The following ERP44 variants were observed in gnomAD, a reference collection of about 807,000 sequenced individuals.
The protein encoded by ERP44 is endoplasmic reticulum protein 44.
A neutral mutation model predicts 53.4 loss-of-function variants in ERP44; 25 were observed. The observed-to-expected ratio is 0.47, with a 90% CI of 0.34 to 0.65. ERP44 has a LOEUF of 0.65. Among genes scored for constraint, ERP44 ranks in the 30% least tolerant of loss-of-function variants. The probability of loss-of-function intolerance (pLI) is 0.01; values close to 1 mark genes in which losing one functional copy is unlikely to be tolerated. For missense variants in ERP44, 338 were observed against 493.2 expected, an observed-to-expected ratio of 0.69 and a Z score of 2.98; for synonymous variants, 145 against 161.2, an observed-to-expected ratio of 0.90 and a Z score of 0.76.
Position 99,980,093 on chromosome 9 carries a change from C to T in ERP44, c.*2519G>A, listed in dbSNP as rs977961572. On this transcript the variant is annotated 3_prime_UTR_variant, in exon 12 of 12. Coordinates refer to ENST00000262455, the MANE Select transcript of ERP44 (RefSeq NM_015051.3). Reference sequence around the variant, plus strand: ...CAGCCAGATCCCTACCTCCTGAGAACACCTATTCATCTTTTTAAAGCTCAA... The same window carrying T: ...CAGCCAGATCCCTACCTCCTGAGAATACCTATTCATCTTTTTAAAGCTCAA... The T allele has an allele frequency of 5.3e-5, 21 of 398,512 alleles. No individual in the cohort carries two copies. In the Admixed American group the frequency reaches 5.3e-4, roughly 10 times the overall value. The allele number at this position is 398,512 out of a possible 1,614,324, so 24.7% of individuals were successfully genotyped here.
In ERP44 at chr9:100,033,345, G is replaced by C. The variant is rs777045219; in HGVS notation, c.287-11119C>G. Among the ~76,000 whole-genome samples, 67 of 152,178 alleles carry C rather than the reference G, an allele frequency of 4.4e-4. 1 individual carries two copies. Among genetic ancestry groups the C allele is most frequent in the Non-Finnish European group, 2.9e-4 (20 of 68,034 alleles). ...TACACAGTCCCTGTACATGGTTTCTGACCTGTGGTAAGTAAAGAATGTCAC... is the reference window on the plus strand; with the variant it reads ...TACACAGTCCCTGTACATGGTTTCTCACCTGTGGTAAGTAAAGAATGTCAC... On this transcript the variant is annotated intron_variant, in intron 4 of 11. Transcript: ENST00000262455.
intron 6 of ERP44, among the ~76,000 whole-genome samples, chr9:100,019,776 C>T (rs1830566347): frequency 6.6e-6 from 1 of 152,026 alleles, no homozygotes; most frequent in East Asian, 1.9e-4. Context: ...AACATCACAC[C>T]CTTCAGAGGA....
intron 4 of ERP44, among the ~76,000 whole-genome samples, chr9:100,046,163 A>AG (rs1316679807): frequency 6.6e-6 from 1 of 152,160 alleles, no homozygotes; most frequent in Non-Finnish European, 1.5e-5. Flanking sequence ...CCAAAACATG[A>AG]GAAAAAAAAT....
chr9:100,077,357 C>T (rs1365497204), intron 1 of ERP44, among the ~76,000 whole-genome samples: 1 of 152,182 alleles, frequency 6.6e-6, no homozygotes, highest in Non-Finnish European at 1.5e-5. Flanking sequence ...GCTGGATTGA[C>T]AGAACGATGG....
intron 5 of ERP44, among the ~76,000 whole-genome samples, chr9:100,021,742 A>C (rs1030051004): frequency 6.6e-6 from 1 of 152,176 alleles, no homozygotes; most frequent in African/African-American, 2.4e-5. Context: ...AAAATACAGA[A>C]GCTCTGGTTG....
chr9:100,062,504 AG>A (rs59827124), intron 1 of ERP44, among the ~76,000 whole-genome samples: 11,297 of 152,296 alleles, frequency 0.074, 453 homozygotes, highest in Non-Finnish European at 0.09. Flanking sequence ...ATATTATCAT[AG>A]AACAATGAAG....
intron 4 of ERP44, among the ~76,000 whole-genome samples, chr9:100,047,081 C>G (rs1236443690): frequency 1.3e-5 from 2 of 152,192 alleles, no homozygotes; most frequent in African/African-American, 4.8e-5. Context: ...CACTATGCCA[C>G]ATGTAAAAAT....
At chr9:100,064,760 C>T (rs917910896) in intron 1 of ERP44, among the ~76,000 whole-genome samples, 14 of 152,158 alleles carry the variant, frequency 9.2e-5, no homozygotes, top group Non-Finnish European at 1.8e-4. Context: ...TCTTGATAAT[C>T]CTGACCCTGT....
intron 4 of ERP44, among the ~76,000 whole-genome samples, chr9:100,040,337 T>C (rs879418203): frequency 3.3e-5 from 5 of 152,216 alleles, no homozygotes; most frequent in Non-Finnish European, 5.9e-5. Flanking sequence ...GATTTATCTC[T>C]GGGATGTAAG....
chr9:100,083,626 G>A (rs1529191), intron 1 of ERP44, among the ~76,000 whole-genome samples: 69,264 of 151,978 alleles, frequency 0.46, 17,248 homozygotes, highest in East Asian at 0.9. Context: ...CAGTCAATGG[G>A]AAAATAGCTG....
chr9:100,097,411 T>A (rs946070377), intron 1 of ERP44, among the ~76,000 whole-genome samples: 6 of 152,144 alleles, frequency 3.9e-5, no homozygotes, highest in African/African-American at 1.4e-4. Flanking sequence ...ATTTTGTGGA[T>A]AAGATTAGTA....
chr9:100,029,720 C>T lies in ERP44; in HGVS notation c.287-7494G>A, dbSNP rs12683753. Among the ~76,000 whole-genome samples the T allele has an allele frequency of 1.9e-3, 287 of 152,274 alleles. 9 individuals carry two copies. The East Asian group carries it at 0.046, about 24-fold the overall frequency. On this transcript the variant is annotated intron_variant, in intron 4 of 11. Transcript: ENST00000262455. Reference sequence around the variant, plus strand: ...TATAGCAAGGACATATCTGCACCACCGTGTTTACTGCAGCACTATTTACAA... The same window carrying T: ...TATAGCAAGGACATATCTGCACCACTGTGTTTACTGCAGCACTATTTACAA...
At chr9:100,082,161 G>C (rs1416859828) in intron 1 of ERP44, among the ~76,000 whole-genome samples, 1 of 152,002 alleles carries the variant, frequency 6.6e-6, no homozygotes, top group African/African-American at 2.4e-5. Flanking sequence ...TGAGCTTGTA[G>C]AAATATACAC....
At chr9:100,075,427 GA>G (rs1169916783) in intron 1 of ERP44, among the ~76,000 whole-genome samples, 2 of 152,206 alleles carry the variant, frequency 1.3e-5, no homozygotes, top group Non-Finnish European at 2.9e-5. Context: ...ACCTTGGGGG[GA>G]TATCAACTCT....
Position 100,006,471 on chromosome 9 carries a change from A to G in ERP44, c.1016+35T>C, listed in dbSNP as rs1308965169. ...TTTTCAGTTCATTTTTGAAAAACAT[A>G]TCAGTAATTTTTAAAAAACAAAATG... On this transcript the variant is annotated intron_variant, in intron 10 of 11. Coordinates refer to ENST00000262455, the MANE Select transcript of ERP44 (RefSeq NM_015051.3). The G allele has an allele frequency of 3.4e-6, 5 of 1,468,048 alleles. 1 individual carries two copies. Among genetic ancestry groups the G allele is most frequent in the South Asian group, 1.2e-5 (1 of 84,832 alleles). 90.9% of individuals were successfully genotyped at this position (1,468,048 alleles called of 1,614,324 possible). A position where few individuals can be genotyped will look rare whatever the true frequency, so the allele number is the denominator to read the frequency against.
At chr9:100,068,350 C>T (rs535408415) in intron 1 of ERP44, among the ~76,000 whole-genome samples, 46 of 137,718 alleles carry the variant, frequency 3.3e-4, no homozygotes, top group Admixed American at 4.8e-4. Flanking sequence ...CAGCCCCCCG[C>T]CCGGCCAGCC....
intron 1 of ERP44, among the ~76,000 whole-genome samples, chr9:100,080,290 G>T (rs750761817): frequency 5.3e-5 from 8 of 152,164 alleles, no homozygotes; most frequent in East Asian, 3.9e-4. Flanking sequence ...AAGTAATGCC[G>T]CTAGAAGGTT....
At chr9:100,076,124 C>G (rs1360161675) in intron 1 of ERP44, among the ~76,000 whole-genome samples, 1 of 152,178 alleles carries the variant, frequency 6.6e-6, no homozygotes, top group Non-Finnish European at 1.5e-5. Flanking sequence ...TTGGTGTAAA[C>G]TGAATGTTTG....
chr9:100,012,169 G>C (rs1739669224), intron 8 of ERP44, among the ~76,000 whole-genome samples: 1 of 152,070 alleles, frequency 6.6e-6, no homozygotes, highest in African/African-American at 2.4e-5. Flanking sequence ...GCTTGTGTTA[G>C]AATTTTCACT....
Sources: gnomAD v4.1 joint callset for allele counts (sites outside exome capture counted in the v4.1 genomes callset) on GRCh38, gnomAD v4.1.1 for gene constraint, MANE v1.5 for transcripts, NCBI Gene and HGNC (gene_info 2026-07-23, HGNC 2026-07-21) for gene names.